The following PLEKHA8 variants were observed in gnomAD, a reference collection of about 807,000 sequenced individuals.
PLEKHA8 encodes pleckstrin homology domain-containing family A member 8.
In PLEKHA8, 36 loss-of-function variants were observed where a neutral mutation model predicts 68.2. The ratio of observed to expected loss-of-function variants is 0.53; its 90% CI spans 0.40 to 0.70. The LOEUF is 0.70. Among genes scored for constraint, PLEKHA8 ranks in the 30% least tolerant of loss-of-function variants. PLEKHA8 has a pLI of 0.00. For synonymous variants in PLEKHA8, 211 were observed against 216.1 expected, an observed-to-expected ratio of 0.98 and a Z score of 0.20; for missense variants, 505 against 615.4, an observed-to-expected ratio of 0.82 and a Z score of 1.90.
chr7:30,079,310 G>C lies in PLEKHA8; in HGVS notation c.*523G>C. ...GCAACTCTGTCAGTGATAAGGGCCT[G>C]TGTAGTAAAGATGTTCAGGGCATTC... On this transcript the variant is annotated 3_prime_UTR_variant, in exon 14 of 14. Transcript: ENST00000449726. 1.0e-6 allele frequency: 1 copy of C among 987,598 alleles called. No individual in the cohort carries two copies. The highest frequency in any genetic ancestry group is 1.2e-6 in the Non-Finnish European group (1 of 831,436). 61.2% of individuals were successfully genotyped at this position (987,598 alleles called of 1,614,324 possible).
intron 12 of PLEKHA8, among the ~76,000 whole-genome samples, chr7:30,064,743 T>C (rs1250448825): frequency 6.6e-6 from 1 of 152,202 alleles, no homozygotes; most frequent in Admixed American, 6.5e-5. Context: ...AAACTTCACT[T>C]CAAACTAACT....
chr7:30,034,620 G>C (rs1000416450), intron 1 of PLEKHA8, among the ~76,000 whole-genome samples: 2 of 152,216 alleles, frequency 1.3e-5, no homozygotes, highest in African/African-American at 4.8e-5. Context: ...TTAAGTGGAA[G>C]TGGGTCATTG....
chr7:30,124,331 T>G (rs928792396), intron 13 of PLEKHA8, among the ~76,000 whole-genome samples: 1 of 152,232 alleles, frequency 6.6e-6, no homozygotes, highest in African/African-American at 2.4e-5. Context: ...TGAAAGCATG[T>G]GAACATAAAT....
chr7:30,046,361 G>A lies in PLEKHA8; in HGVS notation c.309G>A (p.Glu103=), dbSNP rs778234611. ...ACLTDSRTQK[E]KEFAENTENL... ...TGACTGACAGTAGGACCCAGAAGGA[G>A]AAAGGCAAGTACTGATTGTCCTTTG... The change falls in exon 3 of 14, where the codon GAG becomes GAA. Residue 103 remains glutamate, a synonymous_variant. Coordinates refer to ENST00000449726, the MANE Select transcript of PLEKHA8 (RefSeq NM_001197026.2). 6.2e-7 allele frequency: 1 copy of A among 1,605,194 alleles called. No individual in the cohort carries two copies.
At chr7:30,113,860 T>C (rs916367748) in intron 13 of PLEKHA8, among the ~76,000 whole-genome samples, 2 of 152,220 alleles carry the variant, frequency 1.3e-5, no homozygotes, top group African/African-American at 2.4e-5. Flanking sequence ...TAGCTAGTTC[T>C]CATTTCTACA....
downstream of PLEKHA8, among the ~76,000 whole-genome samples, chr7:30,091,680 G>A (rs1301531857): frequency 6.6e-6 from 1 of 152,170 alleles, no homozygotes; most frequent in Non-Finnish European, 1.5e-5. Context: ...GGGAAAAAAA[G>A]CCATTTGGAG....
At chr7:30,075,154 G>C (rs1794533585) in intron 13 of PLEKHA8, 1 of 152,162 alleles carries the variant, frequency 6.6e-6, no homozygotes, top group South Asian at 2.1e-4. Flanking sequence ...AACTGTTTGG[G>C]TCGTGCTTTA....
chr7:30,029,463 A>C (rs763177570), intron 1 of PLEKHA8, among the ~76,000 whole-genome samples: 28 of 152,338 alleles, frequency 1.8e-4, no homozygotes, highest in Admixed American at 8.5e-4. Flanking sequence ...GATTGGCTTT[A>C]AAATAGTCCC....
At chr7:30,112,064 C>T (rs915657783) in intron 13 of PLEKHA8, among the ~76,000 whole-genome samples, 4 of 152,064 alleles carry the variant, frequency 2.6e-5, no homozygotes, top group African/African-American at 9.7e-5. Context: ...GGCCAGAACA[C>T]AGTGTAATTA....
rs1796203661 is a variant in PLEKHA8, at chr7:30,109,667, CTTTT to C, written c.1363-19597_1363-19594del. ...AGACATTATTCAGATTTTCCTTTTT[CTTTT>C]TCTTTTTTTTTTTTTTTAAAGACAG... On this transcript the variant is annotated intron_variant, in intron 13 of 13. Transcript: ENST00000396257. 2.4e-5 allele frequency among the ~76,000 whole-genome samples: 3 copies of C among 126,046 alleles called. No homozygotes were observed. The Admixed American group carries it at 2.4e-4, about 10-fold the overall frequency. 82.7% of individuals were successfully genotyped at this position (126,046 alleles called of 152,430 possible).
chr7:30,115,832 A>G (rs1425113456), intron 13 of PLEKHA8: 5 of 143,724 alleles, frequency 3.5e-5, no homozygotes, highest in Admixed American at 6.9e-5. Flanking sequence ...ATGCGTGCAC[A>G]TACATGTATA....
intron 1 of PLEKHA8, among the ~76,000 whole-genome samples, chr7:30,039,628 A>G (rs748311552): frequency 7.2e-5 from 11 of 152,218 alleles, no homozygotes; most frequent in East Asian, 1.9e-4. Context: ...TTTCATTGCA[A>G]CTGTACAGAA....
intron 5 of PLEKHA8, 122 bp from the exon 6 acceptor site, chr7:30,050,312 A>G: frequency 1.5e-6 from 2 of 1,292,678 alleles, no homozygotes; most frequent in South Asian, 1.7e-5. Context: ...GTTTTTGTTT[A>G]GTGGGGCTAG....
chr7:30,114,905 A>G (rs987457416), intron 13 of PLEKHA8, among the ~76,000 whole-genome samples: 1 of 152,122 alleles, frequency 6.6e-6, no homozygotes, highest in Non-Finnish European at 1.5e-5. Context: ...CTGAGAATTC[A>G]TTTCTCAGAG....
rs372935545 is a variant in PLEKHA8, at chr7:30,046,006, G to A, written c.158-204G>A. Among the ~76,000 whole-genome samples the A allele has an allele frequency of 1.3e-4, 20 of 152,296 alleles. No homozygotes were observed. In the South Asian group the frequency reaches 3.9e-3, roughly 30 times the overall value. On this transcript the variant is annotated intron_variant, in intron 2 of 13. Coordinates refer to ENST00000449726, the MANE Select transcript of PLEKHA8 (RefSeq NM_001197026.2). Reference sequence around the variant, plus strand: ...GTGATGCCTTGGAGGCAATTGCAAGGTTTTCCCTCTTGATTAACAGAGACA... The same window carrying A: ...GTGATGCCTTGGAGGCAATTGCAAGATTTTCCCTCTTGATTAACAGAGACA...
chr7:30,044,846 C>T (rs557757139), intron 1 of PLEKHA8, among the ~76,000 whole-genome samples: 78 of 152,322 alleles, frequency 5.1e-4, no homozygotes, highest in Admixed American at 7.8e-4. Context: ...GCTTATCCTT[C>T]CAGACTTCTG....
At position 30,084,507 on chromosome 7, in the gene PLEKHA8, T is replaced by G. The variant is rs1005358686; in HGVS notation, c.*5720T>G. The G allele has an allele frequency of 8.1e-6, 8 of 985,254 alleles. No individual in the cohort carries two copies. The highest frequency in any genetic ancestry group is 4.7e-5 in the South Asian group (1 of 21,292). The allele number at this position is 985,254 out of a possible 1,614,324, so 61.0% of individuals were successfully genotyped here. A position where few individuals can be genotyped will look rare whatever the true frequency, so the allele number is the denominator to read the frequency against. ...ATGAGCGACAGTTTCATGTTTAGAT[T>G]TGTATTGTTTCTCTGTCCAAGTCCT... On this transcript the variant is annotated 3_prime_UTR_variant, in exon 14 of 14. Coordinates refer to ENST00000449726, the MANE Select transcript of PLEKHA8 (RefSeq NM_001197026.2).
At chr7:30,071,524 A>G (rs143640655) in intron 12 of PLEKHA8, among the ~76,000 whole-genome samples, 1,749 of 152,306 alleles carry the variant, frequency 0.011, 29 homozygotes, top group Non-Finnish European at 0.015. Flanking sequence ...GCATACAGAT[A>G]GCTACTCTAG....
In PLEKHA8 at chr7:30,080,517, A is replaced by AG; in HGVS notation, c.*1733dup. On this transcript the variant is annotated 3_prime_UTR_variant, in exon 14 of 14. Transcript: ENST00000449726. ...TCTCTTTAGTCAGAGAAGTTTATGT[A>AG]GGGAGGGGTATTGGTTTTGCCTTTG... 1 of 985,350 alleles carries AG rather than the reference A, an allele frequency of 1.0e-6. No homozygotes were observed. The highest frequency in any genetic ancestry group is 1.2e-6 in the Non-Finnish European group (1 of 829,880). 61.0% of individuals were successfully genotyped at this position (985,350 alleles called of 1,614,324 possible). A position where few individuals can be genotyped will look rare whatever the true frequency, so the allele number is the denominator to read the frequency against.
Sources: allele counts gnomAD v4.1 joint callset (sites outside exome capture counted in the v4.1 genomes callset), GRCh38; gene constraint gnomAD v4.1.1; transcripts MANE v1.5; gene names NCBI Gene and HGNC (gene_info 2026-07-23, HGNC 2026-07-21).